Variants in STMP1 observed in about 807,000 individuals in gnomAD.
The protein encoded by STMP1 is short transmembrane mitochondrial protein 1.
A neutral mutation model predicts 7.0 loss-of-function variants in STMP1; 7 were observed. The observed-to-expected ratio is 1.01, with a 90% CI of 0.57 to 1.89. The LOEUF (loss-of-function observed/expected upper bound fraction) is 1.89, where lower values mean the gene tolerates loss of function less well. STMP1 is among the 40% of genes most tolerant of loss of function. The pLI is 0.00. For synonymous variants in STMP1, 19 were observed against 18.4 expected, an observed-to-expected ratio of 1.03 and a Z score of -0.08; for missense variants, 45 against 53.0, an observed-to-expected ratio of 0.85 and a Z score of 0.47.
At chr7:135,670,924 G>A (rs185926616) in intron 1 of STMP1, among the ~76,000 whole-genome samples, 15 of 152,292 alleles carry the variant, frequency 9.8e-5, no homozygotes, top group Admixed American at 3.9e-4. Context: ...TAGGCACACC[G>A]CTTGATAGTG....
intron 1 of STMP1, among the ~76,000 whole-genome samples, chr7:135,666,074 A>G (rs1328972262): frequency 6.6e-6 from 1 of 151,994 alleles, no homozygotes; most frequent in Non-Finnish European, 1.5e-5. Flanking sequence ...CTGGGATTAC[A>G]GGCATATGCC....
At chr7:135,663,338 A>AT (rs1212148935) in intron 1 of STMP1, among the ~76,000 whole-genome samples, 32 of 151,150 alleles carry the variant, frequency 2.1e-4, no homozygotes, top group Admixed American at 4.6e-4. Context: ...TTCAACCTCT[A>AT]TTTTTTTTTA....
At chr7:135,667,855 T>G (rs1205360659) in intron 1 of STMP1, among the ~76,000 whole-genome samples, 2 of 152,216 alleles carry the variant, frequency 1.3e-5, no homozygotes, top group Non-Finnish European at 2.9e-5. Context: ...GAAAACTATT[T>G]GCCCAGCCCC....
chr7:135,671,642 G>C (rs188061126), intron 1 of STMP1, among the ~76,000 whole-genome samples: 33 of 152,276 alleles, frequency 2.2e-4, no homozygotes, highest in Non-Finnish European at 4.4e-5. Flanking sequence ...GTCACCAAAT[G>C]AGATAAATAT....
At chr7:135,672,073 G>A (rs920124888) in intron 1 of STMP1, among the ~76,000 whole-genome samples, 3 of 152,138 alleles carry the variant, frequency 2.0e-5, no homozygotes, top group Admixed American at 6.5e-5. Context: ...TCTGCCTCCC[G>A]GTTTCAAGTG....
At chr7:135,663,238 A>C (rs941270876) in intron 1 of STMP1, among the ~76,000 whole-genome samples, 5 of 152,244 alleles carry the variant, frequency 3.3e-5, no homozygotes, top group African/African-American at 1.2e-4. Context: ...ATATTTCAAA[A>C]ATTGCTTGGT....
At chr7:135,663,380 G>A (rs976369244) in intron 1 of STMP1, among the ~76,000 whole-genome samples, 3 of 151,952 alleles carry the variant, frequency 2.0e-5, no homozygotes, top group Non-Finnish European at 2.9e-5. Flanking sequence ...GAGTCTCGCT[G>A]TGTCGTCAGG....
At position 135,662,748 on chromosome 7, in the gene STMP1, C is replaced by T. The variant is rs576344081; in HGVS notation, c.15+154C>T. ...GCCTGGTCGTCGCCTCGCAGGGCGG[C>T]CGTTTTCTTCCTGCCTCCCCAGAAA... On this transcript the variant is annotated intron_variant, in intron 1 of 2. Transcript: ENST00000507606. 5.3e-5 allele frequency among the ~76,000 whole-genome samples: 8 copies of T among 152,356 alleles called. No individual in the cohort carries two copies. In the South Asian group the frequency reaches 1.4e-3, roughly 28 times the overall value.
intron 1 of STMP1, among the ~76,000 whole-genome samples, chr7:135,671,897 C>G (rs1395554714): frequency 6.6e-6 from 1 of 152,218 alleles, no homozygotes; most frequent in East Asian, 1.9e-4. Flanking sequence ...TCCTGGGCCT[C>G]AAGTTCCTCT....
intron 1 of STMP1, among the ~76,000 whole-genome samples, chr7:135,668,391 C>T (rs1355250646): frequency 6.6e-6 from 1 of 152,118 alleles, no homozygotes; most frequent in Non-Finnish European, 1.5e-5. Context: ...GCAGAGTAGT[C>T]AGTGTCTCCC....
intron 1 of STMP1, 27 bp from the exon 2 acceptor site, chr7:135,672,726 A>G (rs1241897566): frequency 1.3e-5 from 20 of 1,535,856 alleles, no homozygotes; most frequent in Admixed American, 2.0e-5. Flanking sequence ...GGCATGCACT[A>G]TAACTCTTAC....
chr7:135,662,639 C>A, intron 1 of STMP1, 45 bp downstream of exon 1: 1 of 1,539,698 alleles, frequency 6.5e-7, no homozygotes, highest in Non-Finnish European at 8.8e-7. Context: ...CTGGGGCGTG[C>A]CTCGGACCCC....
chr7:135,664,879 G>A (rs1795276590), intron 1 of STMP1, among the ~76,000 whole-genome samples: 2 of 152,048 alleles, frequency 1.3e-5, no homozygotes, highest in Admixed American at 6.6e-5. Context: ...TCATGTTCTA[G>A]TGTTTAAGAG....
intron 1 of STMP1, among the ~76,000 whole-genome samples, chr7:135,663,551 C>T (rs2129493132): frequency 6.6e-6 from 1 of 152,206 alleles, no homozygotes; most frequent in African/African-American, 2.4e-5. Flanking sequence ...ACCAAGTTGG[C>T]CAGGCTGGTC....
At chr7:135,670,484 G>T (rs1455385302) in intron 1 of STMP1, among the ~76,000 whole-genome samples, 2 of 152,086 alleles carry the variant, frequency 1.3e-5, no homozygotes, top group African/African-American at 4.8e-5. Flanking sequence ...TCAGATTTAG[G>T]TTTTACTTTT....
intron 1 of STMP1, among the ~76,000 whole-genome samples, chr7:135,672,391 C>T (rs1795365053): frequency 6.6e-6 from 1 of 152,198 alleles, no homozygotes; most frequent in South Asian, 2.1e-4. Context: ...AAAATCTGAA[C>T]TTTGGCTTGA....
chr7:135,673,069 G>C (rs1174220333), intron 2 of STMP1: 3 of 454,986 alleles, frequency 6.6e-6, no homozygotes, highest in African/African-American at 2.0e-5. Context: ...CTTGTTAGCC[G>C]AGAGTAATAT....
At chr7:135,665,486 C>G (rs1019516816) in intron 1 of STMP1, 1 of 152,032 alleles carries the variant, frequency 6.6e-6, no homozygotes, top group Admixed American at 6.5e-5. Context: ...TAGGGTCTCA[C>G]TATATTGCCC....
chr7:135,667,857 C>T (rs1795313041), intron 1 of STMP1, among the ~76,000 whole-genome samples: 1 of 151,712 alleles, frequency 6.6e-6, no homozygotes, highest in African/African-American at 2.4e-5. Context: ...AAACTATTTG[C>T]CCAGCCCCAC....
Sources: gnomAD v4.1 joint callset for allele counts (sites outside exome capture counted in the v4.1 genomes callset) on GRCh38, gnomAD v4.1.1 for gene constraint, MANE v1.5 for transcripts, NCBI Gene and HGNC (gene_info 2026-07-23, HGNC 2026-07-21) for gene names.